USP5: variants seen among roughly 807,000 people sequenced by gnomAD.
USP5 encodes ubiquitin carboxyl-terminal hydrolase 5.
In USP5, 24 loss-of-function variants were observed where a neutral mutation model predicts 102.5. The observed-to-expected ratio is 0.23, with a 90% CI of 0.17 to 0.33. The LOEUF is 0.33. USP5 is among the 10% of genes least tolerant of loss of function. The pLI is 1.00. For missense variants in USP5, 753 were observed against 1,122.1 expected, an observed-to-expected ratio of 0.67 and a Z score of 4.70; for synonymous variants, 460 against 434.8, an observed-to-expected ratio of 1.06 and a Z score of -0.72.
At chr12:6,862,288 C>T (rs150511748) in intron 13 of USP5, among the ~76,000 whole-genome samples, 182 bp from the exon 14 acceptor site, 8 of 152,178 alleles carry the variant, frequency 5.3e-5, no homozygotes, top group Admixed American at 2.0e-4. Flanking sequence ...TCCTTCTGGC[C>T]TCTACTGCTC....
In USP5 at chr12:6,853,403, A is replaced by T. The variant is rs782806830; in HGVS notation, c.111+1113A>T. Among the ~76,000 whole-genome samples, 3 of 152,334 alleles carry T rather than the reference A, an allele frequency of 2.0e-5. No homozygotes were observed. The East Asian group carries it at 5.8e-4, about 29-fold the overall frequency. ...TAGGCTTTGATCTGGGCCTCAGACA[A>T]TGTGCTGCTTCTCTGAAGTCTGGCT... On this transcript the variant is annotated intron_variant, in intron 1 of 19. Transcript: ENST00000229268.
At position 6,856,970 on chromosome 12, in the gene USP5, A is replaced by G. The variant is rs1591606105; in HGVS notation, c.769+79A>G. On this transcript the variant is annotated intron_variant, in intron 6 of 19. Transcript: ENST00000229268. This position sits in a 1 kb window ranked among gnomAD's most constrained non-coding sequence, Gnocchi z 5.6. ...AGTAATTTCGTGTGACATGTATAATACATGAATGCATTATCTTGATAAGAA... is the reference window on the plus strand; with the variant it reads ...AGTAATTTCGTGTGACATGTATAATGCATGAATGCATTATCTTGATAAGAA... The G allele has an allele frequency of 2.0e-6, 3 of 1,490,530 alleles. No homozygotes were observed. The East Asian group carries it at 7.1e-5, about 35-fold the overall frequency. The allele number at this position is 1,490,530 out of a possible 1,614,324, so 92.3% of individuals were successfully genotyped here. A position where few individuals can be genotyped will look rare whatever the true frequency, so the allele number is the denominator to read the frequency against.
chr12:6,852,191 G>A lies in USP5; in HGVS notation c.12G>A (p.Leu4=), dbSNP rs781933877. 9.3e-6 allele frequency: 15 copies of A among 1,611,576 alleles called. No homozygotes were observed. Among genetic ancestry groups the A allele is most frequent in the Non-Finnish European group, 1.3e-5 (15 of 1,179,202 alleles). Residue 4 remains leucine (L), a synonymous_variant, in exon 1 of 20, where the codon CTG becomes CTA. Transcript: ENST00000229268. Reference sequence around the variant, plus strand: ...CTGCTGCCGGTGTCATGGCGGAGCTGAGTGAGGAGGCGCTGCTGTCAGTAT... The same window carrying A: ...CTGCTGCCGGTGTCATGGCGGAGCTAAGTGAGGAGGCGCTGCTGTCAGTAT... The part of the protein sequence containing the change: MAE[L]SEEALLSVLP...
Position 6,863,332 on chromosome 12 carries a change from G to A in USP5, c.1909G>A (p.Glu637Lys). The A allele has an allele frequency of 1.2e-6, 2 of 1,614,134 alleles. No individual in the cohort carries two copies. Among genetic ancestry groups the A allele is most frequent in the Non-Finnish European group, 8.5e-7 (1 of 1,180,018 alleles). ...PKGSLGFYGN[E>K]DEDSFCSPHF... ...AGGTAGCCTTGGTTTCTATGGCAAC[G>A]AAGACGAAGACTCCTTCTGCTCCCC... Residue 637 changes from glutamate (E) to lysine (K), a missense_variant, in exon 15 of 20, where the codon GAA becomes AAA. Glu to Lys is a moderately conservative substitution (Grantham distance 56). Around this residue, in one of 3 missense-constraint regions of USP5, gnomAD observed 193 missense variants for 230.2 expected, o/e 0.84. Transcript: ENST00000229268. This position sits in a 1 kb window ranked among gnomAD's most constrained non-coding sequence, Gnocchi z 4.7.
chr12:6,856,027 C>A lies in USP5; in HGVS notation c.315C>A (p.Gly105=), dbSNP rs782169796. 1 of 1,614,122 alleles carries A rather than the reference C, an allele frequency of 6.2e-7. No homozygotes were observed. The highest frequency in any genetic ancestry group is 8.5e-7 in the Non-Finnish European group (1 of 1,180,018). ...KPTRLAIGVE[G]GFDLSEEKFE... ...TCCCTATCCTTCCAGGTGTTGAAGGCGGATTTGACCTTAGCGAGGAGAAGT... is the reference window on the plus strand; with the variant it reads ...TCCCTATCCTTCCAGGTGTTGAAGGAGGATTTGACCTTAGCGAGGAGAAGT... Residue 105 remains glycine (G), a synonymous_variant, in exon 4 of 20, where the codon GGC becomes GGA. Transcript: ENST00000229268. The surrounding 1 kb of genome is among the most constrained non-coding windows in gnomAD (Gnocchi z 5.6).
chr12:6,862,351 TGGA>T, intron 13 of USP5, 116 bp from the exon 14 acceptor site: 1 of 870,656 alleles, frequency 1.1e-6, no homozygotes, highest in Non-Finnish European at 1.9e-6. Flanking sequence ...GAGAAGAATA[TGGA>T]GGATCTTCTG....
Position 6,866,055 on chromosome 12 carries a change from T to TAG in USP5, c.2555_2556insAG (p.Phe852LeufsTer26). The TAG allele has an allele frequency of 6.2e-7, 1 of 1,613,948 alleles. No individual in the cohort carries two copies. Among genetic ancestry groups the TAG allele is most frequent in the Non-Finnish European group, 8.5e-7 (1 of 1,179,978 alleles). Reference sequence around the variant, plus strand: ...CCCAAGGACCTGGGCTACATCTACTTCTACCAGAGAGTGGCCAGCTAAGAG... The same window carrying TAG: ...CCCAAGGACCTGGGCTACATCTACTTAGCTACCAGAGAGTGGCCAGCTAAGAG... On this transcript the variant is annotated frameshift_variant, in exon 20 of 20. Coordinates refer to ENST00000229268, the MANE Select transcript of USP5 (RefSeq NM_001098536.2). LOFTEE classifies it high-confidence loss of function. The surrounding 1 kb of genome is among the most constrained non-coding windows in gnomAD (Gnocchi z 4.7).
chr12:6,858,575 C>G lies in USP5; in HGVS notation c.1016C>G (p.Ser339Cys), dbSNP rs782760032. 1 of 1,613,110 alleles carries G rather than the reference C, an allele frequency of 6.2e-7. No individual in the cohort carries two copies. Among genetic ancestry groups the G allele is most frequent in the Admixed American group, 1.7e-5 (1 of 60,016 alleles). The change falls in exon 8 of 20, where the codon TCT (serine) becomes TGT (cysteine). Residue 339 changes from serine to cysteine, a missense_variant. By Grantham distance (112) the Ser-to-Cys change is moderately radical. This residue lies in a region of USP5 where 527 missense variants were observed against 816.5 expected (regional missense o/e 0.65). Transcript: ENST00000229268. This position sits in a 1 kb window ranked among gnomAD's most constrained non-coding sequence, Gnocchi z 4.2. ...CTGGGTAACAGCTGCTACCTCAACT[C>G]TGTGGTCCAGGTGCTCTTCAGCATC... ...RNLGNSCYLN[S>C]VVQVLFSIPD...
intron 19 of USP5, 104 bp from the exon 20 acceptor site, chr12:6,865,880 A>G: frequency 1.4e-5 from 14 of 967,864 alleles, no homozygotes; most frequent in Non-Finnish European, 2.2e-5. Context: ...GGGTATGGGC[A>G]GAGAGTGTGG....
In USP5 at chr12:6,860,858, A is replaced by G; in HGVS notation, c.1345-95A>G. 2.0e-6 allele frequency: 3 copies of G among 1,527,148 alleles called. No homozygotes were observed. The highest frequency in any genetic ancestry group is 2.7e-6 in the Non-Finnish European group (3 of 1,121,602). The allele number at this position is 1,527,148 out of a possible 1,614,324, so 94.6% of individuals were successfully genotyped here. On this transcript the variant is annotated intron_variant, in intron 11 of 19. Coordinates refer to ENST00000229268, the MANE Select transcript of USP5 (RefSeq NM_001098536.2). This position sits in a 1 kb window ranked among gnomAD's most constrained non-coding sequence, Gnocchi z 5.5. ...CTTGTGTCCCTGAGTTCCGAGTGGTAGTCTGCCTTCTCTCCCTGACTCTCC... is the reference window on the plus strand; with the variant it reads ...CTTGTGTCCCTGAGTTCCGAGTGGTGGTCTGCCTTCTCTCCCTGACTCTCC...
chr12:6,861,971 A>G lies in USP5; in HGVS notation c.1673+354A>G, dbSNP rs1555129663. ...AAATAGCCACACTTTGAGCCTAGCC[A>G]TTGGCACCTGGCATGGGTGTGAGAC... is the stretch of plus-strand genomic sequence containing the variant. On this transcript the variant is annotated intron_variant, in intron 13 of 19. Transcript: ENST00000229268. The surrounding 1 kb of genome is among the most constrained non-coding windows in gnomAD (Gnocchi z 4.9). Among the ~76,000 whole-genome samples, 3 of 151,472 alleles carry G rather than the reference A, an allele frequency of 2.0e-5. No homozygotes were observed. The highest frequency in any genetic ancestry group is 1.3e-4 in the Admixed American group (2 of 15,168).
chr12:6,857,089 C>T (rs781963616), intron 6 of USP5, among the ~76,000 whole-genome samples, 198 bp downstream of exon 6: 1 of 152,070 alleles, frequency 6.6e-6, no homozygotes, highest in African/African-American at 2.4e-5. Flanking sequence ...AGTTCGAGAC[C>T]AGCCTGGGCA....
At chr12:6,862,069 C>A (rs1232783004) in intron 13 of USP5, among the ~76,000 whole-genome samples, 1 of 151,152 alleles carries the variant, frequency 6.6e-6, no homozygotes, top group African/African-American at 2.4e-5. Context: ...AACAGCTCTT[C>A]CTCTCTGTGT....
At position 6,860,338 on chromosome 12, in the gene USP5, G is replaced by C. The variant is rs782725309; in HGVS notation, c.1219-28G>C. On this transcript the variant is annotated intron_variant, in intron 10 of 19. Transcript: ENST00000229268. The surrounding 1 kb of genome is among the most constrained non-coding windows in gnomAD (Gnocchi z 5.5). ...GCCCCTGGATGGCCACTGAGCCCCA[G>C]CTGAGTCCCTGCCCTGACTCTTCCC... 1.2e-6 allele frequency: 2 copies of C among 1,614,122 alleles called. No homozygotes were observed. The highest frequency in any genetic ancestry group is 3.3e-5 in the Admixed American group (2 of 60,026).
chr12:6,862,395 G>A lies in USP5; in HGVS notation c.1674-75G>A, dbSNP rs1162123151. The A allele has an allele frequency of 9.8e-6, 13 of 1,327,780 alleles. No homozygotes were observed. In the African/African-American group the frequency reaches 1.9e-4, roughly 19 times the overall value. 82.2% of individuals were successfully genotyped at this position (1,327,780 alleles called of 1,614,324 possible). The stretch of plus-strand genomic sequence containing the variant: ...TTGGGACTTCTACCCATGAGGGGCT[G>A]AACCCCAGGTGGGAGTTTCAGGAGA... On this transcript the variant is annotated intron_variant, in intron 13 of 19. Transcript: ENST00000229268.
Position 6,855,207 on chromosome 12 carries a change from TGGGAGG to T in USP5, c.112-193_112-188del, listed in dbSNP as rs1944071295. ...TCCTTGTTGGTTGTTATCAAAGTCA[TGGGAGG>T]AAATGGGGAGAATCTTAGCTATGTC... On this transcript the variant is annotated intron_variant, in intron 1 of 19. Coordinates refer to ENST00000229268, the MANE Select transcript of USP5 (RefSeq NM_001098536.2). The surrounding 1 kb of genome is among the most constrained non-coding windows in gnomAD (Gnocchi z 4.6). 3.9e-5 allele frequency among the ~76,000 whole-genome samples: 6 copies of T among 152,208 alleles called. No individual in the cohort carries two copies. Among genetic ancestry groups the T allele is most frequent in the African/African-American group, 7.2e-5 (3 of 41,440 alleles).
chr12:6,859,617 G>A (rs1944216670), intron 9 of USP5, 76 bp downstream of exon 9: 5 of 1,428,460 alleles, frequency 3.5e-6, no homozygotes, highest in Non-Finnish European at 4.0e-6. Context: ...GACCGCCTGG[G>A]GGGCACAGCA....
Position 6,864,069 on chromosome 12 carries a change from C to T in USP5, c.2118C>T (p.Ile706=). The T allele has an allele frequency of 6.2e-7, 1 of 1,611,072 alleles. No homozygotes were observed. The highest frequency in any genetic ancestry group is 1.7e-4 in the Middle Eastern group (1 of 6,036). ...CCACAGATTTTGCAAACCCCCTCATCCTGCCTGGCTCTAGTGGGCCGGGCT... is the reference window on the plus strand; with the variant it reads ...CCACAGATTTTGCAAACCCCCTCATTCTGCCTGGCTCTAGTGGGCCGGGCT... ...MDDPDFANPL[I]LPGSSGPGST... The change falls in exon 17 of 20, where the codon ATC becomes ATT. Residue 706 remains isoleucine (I), a synonymous_variant. Coordinates refer to ENST00000229268, the MANE Select transcript of USP5 (RefSeq NM_001098536.2). The surrounding 1 kb of genome is among the most constrained non-coding windows in gnomAD (Gnocchi z 4.8).
chr12:6,864,205 G>T lies in USP5; in HGVS notation c.2244+10G>T, dbSNP rs782619064. ...AGCGCTGCGGGCCACGGTATGGGCT[G>T]CCCCAGCTAAGGACATGGGGCCAGT... On this transcript the variant is annotated intron_variant, in intron 17 of 19. Coordinates refer to ENST00000229268, the MANE Select transcript of USP5 (RefSeq NM_001098536.2). This position sits in a 1 kb window ranked among gnomAD's most constrained non-coding sequence, Gnocchi z 4.8. 6.3e-7 allele frequency: 1 copy of T among 1,592,896 alleles called. No individual in the cohort carries two copies. The highest frequency in any genetic ancestry group is 8.6e-7 in the Non-Finnish European group (1 of 1,169,154).
Sources: gnomAD v4.1 joint callset for allele counts (sites outside exome capture counted in the v4.1 genomes callset) on GRCh38, gnomAD v4.1.1 for gene constraint, gnomAD v4.1.1 regional missense constraint, Gnocchi (gnomAD v3.1) non-coding constraint, MANE v1.5 for transcripts, NCBI Gene and HGNC (gene_info 2026-07-23, HGNC 2026-07-21) for gene names.